The following ABCC3 variants were observed in gnomAD, a reference collection of about 807,000 sequenced individuals.
ABCC3 encodes the protein ATP binding cassette subfamily C member 3.
ABCC3 carries 121 observed loss-of-function variants against 165.3 expected under a neutral mutation model. The ratio of observed to expected loss-of-function variants is 0.73; its 90% CI spans 0.63 to 0.85. The LOEUF (loss-of-function observed/expected upper bound fraction) is 0.85, where lower values mean the gene tolerates loss of function less well. Among genes scored for constraint, ABCC3 ranks in the 40% least tolerant of loss-of-function variants. The pLI is 0.00. For missense variants in ABCC3, 1,869 were observed against 1,964.1 expected (o/e 0.95, Z 0.92); for synonymous variants, 733 against 810.1 (o/e 0.90, Z 1.62).
chr17:50,679,733 C>G (rs1450503381), intron 25 of ABCC3, 65 bp from the exon 26 acceptor site: 3 of 1,474,904 alleles, frequency 2.0e-6, no homozygotes, highest in Non-Finnish European at 2.8e-6. Context: ...AGTCTGAACT[C>G]CTCCCAAAGC....
At chr17:50,674,261 T>G (rs1967754379) in intron 19 of ABCC3, 1 of 151,544 alleles carries the variant, frequency 6.6e-6, no homozygotes, top group Non-Finnish European at 1.5e-5. Flanking sequence ...CAGACATGGT[T>G]TCACCATGTT....
chr17:50,683,618 G>C lies in ABCC3; in HGVS notation c.3816G>C (p.Trp1272Cys), dbSNP rs371532369. 5 of 1,575,328 alleles carry C rather than the reference G, an allele frequency of 3.2e-6. No homozygotes were observed. The South Asian group carries it at 4.6e-5, about 15-fold the overall frequency. ...TCTGCCCCTCCTGCCAGGCGCCCTG[G>C]GTGGTGGAAGGCAGCCGCCCTCCCG... ...EYSKTETEAP[W>C]VVEGSRPPEG... is the part of the protein sequence containing the mutation. Residue 1272 changes from tryptophan (W) to cysteine (C), a missense_variant, in exon 27 of 31, where the codon TGG becomes TGC. By Grantham distance (215) the Trp-to-Cys change is radical. Transcript: ENST00000285238.
chr17:50,690,021 G>A (rs1229540821), intron 30 of ABCC3, among the ~76,000 whole-genome samples: 1 of 152,226 alleles, frequency 6.6e-6, no homozygotes, highest in Non-Finnish European at 1.5e-5. Flanking sequence ...ACACAGGGTG[G>A]CCAGGACACT....
At chr17:50,686,575 A>G (rs1968025936) in intron 29 of ABCC3, among the ~76,000 whole-genome samples, 1 of 151,936 alleles carries the variant, frequency 6.6e-6, no homozygotes, top group African/African-American at 2.4e-5. Context: ...GTGCCCCATG[A>G]CTGTCTCTTG....
chr17:50,684,963 G>C (rs1338788142), intron 29 of ABCC3, 88 bp downstream of exon 29: 27 of 1,459,308 alleles, frequency 1.9e-5, no homozygotes, highest in Middle Eastern at 2.2e-4. Flanking sequence ...CAATGACACA[G>C]AGATGAGGCC....
In ABCC3 at chr17:50,673,101, A is replaced by G. The variant is rs1394444232; in HGVS notation, c.2372A>G (p.Asp791Gly). The stretch of plus-strand genomic sequence containing the variant: ...TCTCATGTGGCCAAGCACATCTTTG[A>G]CCACGTCATCGGGCCAGAAGGCGTG... Reference protein sequence around the residue: ...VDSHVAKHIFDHVIGPEGVLA... With the variant: ...VDSHVAKHIFGHVIGPEGVLA... The change falls in exon 18 of 31, where the codon GAC (aspartate) becomes GGC (glycine). Residue 791 changes from aspartate to glycine, a missense_variant. Transcript: ENST00000285238. The G allele has an allele frequency of 6.2e-7, 1 of 1,614,092 alleles. No individual in the cohort carries two copies. Among genetic ancestry groups the G allele is most frequent in the South Asian group, 1.1e-5 (1 of 91,076 alleles).
Position 50,658,201 on chromosome 17 carries a change from C to T in ABCC3, c.606C>T (p.Val202=), listed in dbSNP as rs373678629. 1.7e-5 allele frequency: 27 copies of T among 1,614,048 alleles called. No homozygotes were observed. Among genetic ancestry groups the T allele is most frequent in the African/African-American group, 1.2e-4 (9 of 74,920 alleles). ...CTCCATTTTTCTCCGCAAAGAATGTCGACCCTGTGAGTTTCCCATGGAGGG... is the reference window on the plus strand; with the variant it reads ...CTCCATTTTTCTCCGCAAAGAATGTTGACCCTGTGAGTTTCCCATGGAGGG... ...EKPPFFSAKN[V]DPNPYPETSA... Residue 202 remains valine (V), a synonymous_variant, in exon 5 of 31, where the codon GTC becomes GTT. Transcript: ENST00000285238.
At chr17:50,684,187 G>A in intron 28 of ABCC3, 80 bp downstream of exon 28, 1 of 1,534,166 alleles carries the variant, frequency 6.5e-7, no homozygotes. Flanking sequence ...CTTTAGGATG[G>A]AGACTGGGAC....
intron 19 of ABCC3, among the ~76,000 whole-genome samples, chr17:50,673,901 TTTCTTTC>T (rs1433221356): frequency 4.0e-3 from 36 of 9,062 alleles, no homozygotes; most frequent in Non-Finnish European, 5.9e-3. Context: ...CAGAGCCTGT[TTTCTTTC>T]TTTCTTTCTT....
At chr17:50,649,596 G>T (rs943874138) in intron 1 of ABCC3, among the ~76,000 whole-genome samples, 3 of 149,154 alleles carry the variant, frequency 2.0e-5, no homozygotes, top group Non-Finnish European at 4.4e-5. Context: ...AAGAAGGAGA[G>T]GAGAGGAGAG....
In ABCC3 at chr17:50,667,602, A is replaced by G. The variant is rs1356904471; in HGVS notation, c.1480A>G (p.Ile494Val). The change falls in exon 12 of 31, where the codon ATC becomes GTC. Residue 494 changes from isoleucine (I) to valine (V), a missense_variant. Transcript: ENST00000285238. ...KDSRIKLMSEILNGIKVLKLY... is the reference protein window; with the variant it reads ...KDSRIKLMSEVLNGIKVLKLY... The stretch of plus-strand genomic sequence containing the variant: ...CTCGCGCATCAAGCTGATGAGTGAG[A>G]TCCTGAACGGCATCAAGGTGCTGAA... 9 of 1,614,092 alleles carry G rather than the reference A, an allele frequency of 5.6e-6. No individual in the cohort carries two copies. Among genetic ancestry groups the G allele is most frequent in the Middle Eastern group, 3.3e-4 (2 of 6,062 alleles).
At position 50,661,083 on chromosome 17, in the gene ABCC3, C is replaced by A; in HGVS notation, c.967C>A (p.Leu323Met). The A allele has an allele frequency of 6.2e-7, 1 of 1,614,014 alleles. No homozygotes were observed. The highest frequency in any genetic ancestry group is 8.5e-7 in the Non-Finnish European group (1 of 1,179,904). Residue 323 changes from leucine (L) to methionine (M), a missense_variant, in exon 8 of 31, where the codon CTG becomes ATG. Leu to Met is a conservative substitution (Grantham distance 15). Transcript: ENST00000285238. Reference sequence around the variant, plus strand: ...TGCCTGCTTCAAGCTTATCCAGGACCTGCTCTCCTTCATCAATCCACAGCT... The same window carrying A: ...TGCCTGCTTCAAGCTTATCCAGGACATGCTCTCCTTCATCAATCCACAGCT... ...ISACFKLIQD[L>M]LSFINPQLLS...
At chr17:50,664,752 G>A (rs1967483970) in intron 10 of ABCC3, 1 of 178,116 alleles carries the variant, frequency 5.6e-6, no homozygotes, top group African/African-American at 2.4e-5. Context: ...GCTTCCCTAG[G>A]CATTGGTGGG....
chr17:50,655,016 C>T (rs1436392123), intron 1 of ABCC3, among the ~76,000 whole-genome samples: 4 of 140,606 alleles, frequency 2.8e-5, no homozygotes, highest in Admixed American at 7.7e-5. Context: ...AGGAGAATGG[C>T]GTGAACCTGG....
chr17:50,649,425 T>A (rs886561124), intron 1 of ABCC3, among the ~76,000 whole-genome samples: 3 of 152,164 alleles, frequency 2.0e-5, no homozygotes, highest in Admixed American at 6.6e-5. Flanking sequence ...AGCTTGTGAT[T>A]GGCTGAAAAT....
chr17:50,658,526 G>C (rs1287373688), intron 6 of ABCC3, 30 bp downstream of exon 6: 1 of 1,598,140 alleles, frequency 6.3e-7, no homozygotes, highest in Non-Finnish European at 8.6e-7. Context: ...AGCCAGGCCA[G>C]AGGGAGGGGA....
intron 1 of ABCC3, among the ~76,000 whole-genome samples, chr17:50,645,107 G>A (rs1358096219): frequency 2.0e-5 from 3 of 149,740 alleles, no homozygotes; most frequent in African/African-American, 7.4e-5. Flanking sequence ...AGGCTGAGGT[G>A]GGAGAATCGC....
In ABCC3 at chr17:50,663,843, T is replaced by A; in HGVS notation, c.1161T>A (p.Gly387=). 6.2e-7 allele frequency: 1 copy of A among 1,614,088 alleles called. No individual in the cohort carries two copies. Among genetic ancestry groups the A allele is most frequent in the Non-Finnish European group, 8.5e-7 (1 of 1,180,014 alleles). The change falls in exon 9 of 31, where the codon GGT becomes GGA. Residue 387 remains glycine (G), a synonymous_variant. Coordinates refer to ENST00000285238, the MANE Select transcript of ABCC3 (RefSeq NM_003786.4). ...TGAAGTTTCGTACTGGGATCATGGG[T>A]GTCATCTACAGGAAGGTCAGCTGGA... ...TGVKFRTGIM[G]VIYRKALVIT... is the part of the protein sequence containing the mutation.
intron 17 of ABCC3, among the ~76,000 whole-genome samples, chr17:50,671,702 CTT>C (rs386386244): frequency 0.061 from 3,373 of 55,562 alleles, 16 homozygotes; most frequent in African/African-American, 0.085. Context: ...TCCTTCCTTC[CTT>C]TTTTTTTTTT....
Sources: gnomAD v4.1 joint callset for allele counts (sites outside exome capture counted in the v4.1 genomes callset) on GRCh38, gnomAD v4.1.1 for gene constraint, MANE v1.5 for transcripts, NCBI Gene and HGNC (gene_info 2026-07-23, HGNC 2026-07-21) for gene names.